Variants in CYREN observed in about 807,000 individuals in gnomAD.
CYREN encodes cell cycle regulator of NHEJ, also known as cell cycle regulator of non-homologous end joining.
A neutral mutation model predicts 9.7 loss-of-function variants in CYREN; 7 were observed. The ratio of observed to expected loss-of-function variants is 0.72; its 90% CI spans 0.41 to 1.36. The LOEUF (loss-of-function observed/expected upper bound fraction) is 1.36. Among genes scored for constraint, CYREN ranks in the 40% most tolerant of loss-of-function variants. The probability of loss-of-function intolerance (pLI) is 0.01; values close to 1 mark genes in which losing one functional copy is unlikely to be tolerated. For missense variants in CYREN, 215 were observed against 198.1 expected (o/e 1.09, Z -0.51); for synonymous variants, 76 against 77.9 (o/e 0.98, Z 0.13).
chr7:135,147,504 A>G (rs6945839), intron 2 of CYREN, among the ~76,000 whole-genome samples: 24 of 152,320 alleles, frequency 1.6e-4, no homozygotes, highest in East Asian at 7.7e-4. Flanking sequence ...AGGAGCCCCA[A>G]TGCTTACAAA....
upstream of CYREN, among the ~76,000 whole-genome samples, chr7:135,171,847 G>A (rs1452009233): frequency 1.3e-5 from 2 of 152,224 alleles, no homozygotes; most frequent in Admixed American, 6.5e-5. Context: ...GAGCGCTCCC[G>A]GGTAGGAAAT....
chr7:135,142,208 T>C (rs575810596), intron 2 of CYREN, among the ~76,000 whole-genome samples: 1 of 151,256 alleles, frequency 6.6e-6, no homozygotes, highest in South Asian at 2.1e-4. Context: ...TGCAGCTGCA[T>C]TTGCCCACTA....
At chr7:135,129,607 C>G (rs1828443397) in intron 2 of CYREN, 2 of 774,700 alleles carry the variant, frequency 2.6e-6, no homozygotes, top group South Asian at 2.7e-5. Flanking sequence ...AAACATTTCA[C>G]TGATCCTGCT....
chr7:135,165,088 C>A, downstream of CYREN: 1 of 1,433,862 alleles, frequency 7.0e-7, no homozygotes, highest in Non-Finnish European at 9.4e-7. Context: ...TAACGCTGAT[C>A]TCCAGCTCCA....
At chr7:135,163,842 C>T (rs2117472868), downstream of CYREN, among the ~76,000 whole-genome samples, 1 of 152,304 alleles carries the variant, frequency 6.6e-6, no homozygotes. Context: ...TGGTCCTTGA[C>T]CCAGGCTCAC....
intron 2 of CYREN, among the ~76,000 whole-genome samples, chr7:135,124,598 C>G (rs180754462): frequency 2.0e-5 from 3 of 152,326 alleles, no homozygotes; most frequent in African/African-American, 7.2e-5. Flanking sequence ...AATATACGTT[C>G]TTCTCTGTGC....
Position 135,166,829 on chromosome 7 carries a change from C to A in CYREN, c.256G>T (p.Gly86Trp). ...EKACEQPALA[G>W]ADNPEHSPPC... Reference sequence around the variant, plus strand: ...GGGGAGTGCTCTGGGTTATCAGCCCCCGCCAGGGCCGGCTGCTCGCAGGCC... The same window carrying A: ...GGGGAGTGCTCTGGGTTATCAGCCCACGCCAGGGCCGGCTGCTCGCAGGCC... Residue 86 changes from glycine (G) to tryptophan (W), a missense_variant, in exon 4 of 4, where the codon GGG becomes TGG. Coordinates refer to ENST00000393114, the MANE Select transcript of CYREN (RefSeq NM_024033.4). 1 of 1,614,128 alleles carries A rather than the reference C, an allele frequency of 6.2e-7. No individual in the cohort carries two copies.
chr7:135,148,826 C>T (rs3800595), intron 2 of CYREN, among the ~76,000 whole-genome samples: 73,784 of 152,016 alleles, frequency 0.49, 18,268 homozygotes, highest in South Asian at 0.66. Flanking sequence ...CCAGATTGCT[C>T]CTCATGCCCC....
chr7:135,111,000 C>G (rs1825556798), intron 2 of CYREN, among the ~76,000 whole-genome samples: 1 of 152,108 alleles, frequency 6.6e-6, no homozygotes, highest in Non-Finnish European at 1.5e-5. Context: ...GATCAGCTAC[C>G]TCTTCCATTC....
intron 2 of CYREN, among the ~76,000 whole-genome samples, chr7:135,155,623 G>A (rs11982080): frequency 2.6e-5 from 4 of 152,220 alleles, no homozygotes; most frequent in African/African-American, 9.6e-5. Flanking sequence ...ATGCCAGGCA[G>A]GGGCATTAAT....
downstream of CYREN, chr7:135,165,103 T>C (rs974032437): frequency 2.8e-4 from 389 of 1,388,454 alleles, 4 homozygotes; most frequent in Non-Finnish European, 4.6e-5. Context: ...GCTCCAGCGA[T>C]GGAACCCACT....
intron 2 of CYREN, among the ~76,000 whole-genome samples, chr7:135,096,237 T>C (rs1822668135): frequency 6.6e-6 from 1 of 152,070 alleles, no homozygotes; most frequent in African/African-American, 2.4e-5. Context: ...TTCAGTGTTG[T>C]GTATATTGGG....
intron 2 of CYREN, among the ~76,000 whole-genome samples, chr7:135,127,694 C>T (rs62479728): frequency 0.49 from 73,802 of 152,010 alleles, 18,277 homozygotes; most frequent in South Asian, 0.66. Context: ...GGGTAGGCTG[C>T]AGAGAAATAA....
intron 2 of CYREN, among the ~76,000 whole-genome samples, chr7:135,134,501 A>G (rs1025334924): frequency 6.6e-6 from 1 of 152,130 alleles, no homozygotes; most frequent in Admixed American, 6.6e-5. Flanking sequence ...AGATTTTTAG[A>G]GCAAACAACT....
chr7:135,128,960 A>T, intron 2 of CYREN: 1 of 1,579,996 alleles, frequency 6.3e-7, no homozygotes, highest in South Asian at 1.1e-5. Context: ...TGGGTAGTGA[A>T]TGCATGTACT....
chr7:135,166,713 A>C lies in CYREN; in HGVS notation c.372T>G (p.Pro124=), dbSNP rs1490117251. The change falls in exon 4 of 4, where the codon CCT becomes CCG. Residue 124 remains proline, a synonymous_variant. Coordinates refer to ENST00000393114, the MANE Select transcript of CYREN (RefSeq NM_024033.4). The part of the protein sequence containing the change: ...GKQALAPGLS[P]SQRPGGSSSA... ...AGCTGGAACCCCCCGGCCTCTGGGAAGGGCTGAGGCCTGGAGCCAGTGCCT... is the reference window on the plus strand; with the variant it reads ...AGCTGGAACCCCCCGGCCTCTGGGACGGGCTGAGGCCTGGAGCCAGTGCCT... 1.9e-6 allele frequency: 3 copies of C among 1,613,646 alleles called. No homozygotes were observed. Among genetic ancestry groups the C allele is most frequent in the Non-Finnish European group, 2.5e-6 (3 of 1,180,016 alleles).
chr7:135,150,091 A>AT (rs899902918), intron 2 of CYREN, among the ~76,000 whole-genome samples: 11 of 151,956 alleles, frequency 7.2e-5, no homozygotes, highest in Admixed American at 5.2e-4. Context: ...CAGATCATTG[A>AT]TTTTTTTATC....
In CYREN at chr7:135,142,233, T is replaced by A. The variant is rs544675409; in HGVS notation, n.356+26516A>T. Among the ~76,000 whole-genome samples, 15 of 152,182 alleles carry A rather than the reference T, an allele frequency of 9.9e-5. 1 individual carries two copies. The South Asian group carries it at 2.9e-3, about 29-fold the overall frequency. ...TTTGCCCACTATTTCAGACAATTTA[T>A]TTCATAAACAGATAATGTAAACTTA... is the stretch of plus-strand genomic sequence containing the variant. On this transcript the variant is annotated intron_variant and non_coding_transcript_variant, in intron 2 of 2. Coordinates refer to the CYREN transcript ENST00000459937.
downstream of CYREN, among the ~76,000 whole-genome samples, chr7:135,163,398 T>C (rs1160287496): frequency 1.3e-5 from 2 of 152,200 alleles, no homozygotes; most frequent in Non-Finnish European, 2.9e-5. Context: ...TCCCAGCACT[T>C]TGGGAGGCCA....
Sources: allele counts gnomAD v4.1 joint callset (sites outside exome capture counted in the v4.1 genomes callset), GRCh38; gene constraint gnomAD v4.1.1; transcripts MANE v1.5; gene names NCBI Gene and HGNC (gene_info 2026-07-23, HGNC 2026-07-21).